The following PRELID2 variants were observed in gnomAD, a reference collection of about 807,000 sequenced individuals.
PRELID2 encodes PRELI domain containing 2, also known as PRELI domain-containing protein 2.
Under a neutral mutation model 28.4 loss-of-function variants are expected in PRELID2, and 25 were observed. The observed-to-expected ratio is 0.88, with a 90% CI of 0.64 to 1.23. The LOEUF is 1.23. Ranked by LOEUF, PRELID2 falls within the 50% of genes most tolerant of loss-of-function variation. The pLI is 0.00. For missense variants in PRELID2, 201 were observed against 214.4 expected, an observed-to-expected ratio of 0.94 and a Z score of 0.39; for synonymous variants, 76 against 71.6, an observed-to-expected ratio of 1.06 and a Z score of -0.31.
chr5:145,709,273 A>G (rs1470421731), intron 1 of PRELID2, among the ~76,000 whole-genome samples: 1 of 152,172 alleles, frequency 6.6e-6, no homozygotes, highest in East Asian at 1.9e-4. Flanking sequence ...TTAGGAAGGG[A>G]CCCATAGCCA....
chr5:145,807,783 A>C (rs1753615692), intron 4 of PRELID2, among the ~76,000 whole-genome samples: 1 of 152,080 alleles, frequency 6.6e-6, no homozygotes, highest in Non-Finnish European at 1.5e-5. Context: ...TTCATTCATC[A>C]TTCATTAGAC....
At chr5:145,804,967 G>A (rs1200867015) in intron 4 of PRELID2, among the ~76,000 whole-genome samples, 2 of 152,164 alleles carry the variant, frequency 1.3e-5, no homozygotes, top group Non-Finnish European at 2.9e-5. Context: ...TAGACCCTGA[G>A]TCTAGATTGT....
At chr5:145,255,048 C>A in the PRELID2 span, among the ~76,000 whole-genome samples, 1 of 152,096 alleles carries the variant, frequency 6.6e-6, no homozygotes, top group African/African-American at 2.4e-5. Context: ...ACACACCCTG[C>A]CACCCCTCAC....
the PRELID2 span, among the ~76,000 whole-genome samples, chr5:145,237,755 T>A: frequency 2.0e-5 from 3 of 152,138 alleles, no homozygotes; most frequent in Non-Finnish European, 2.9e-5. Flanking sequence ...GGACTTTTTC[T>A]ACCACTGATA....
At chr5:145,576,935 A>G (rs911657065) in intron 1 of PRELID2, among the ~76,000 whole-genome samples, 1 of 152,122 alleles carries the variant, frequency 6.6e-6, no homozygotes, top group African/African-American at 2.4e-5. Flanking sequence ...AAAACATGTA[A>G]AATTATATCC....
chr5:145,781,029 C>T (rs569026980), intron 5 of PRELID2, among the ~76,000 whole-genome samples: 1 of 152,332 alleles, frequency 6.6e-6, no homozygotes, highest in South Asian at 2.1e-4. Context: ...AGACACAATG[C>T]TTCCTTTTCT....
chr5:145,603,002 A>C (rs560542788), intron 1 of PRELID2, among the ~76,000 whole-genome samples: 1 of 152,262 alleles, frequency 6.6e-6, no homozygotes, highest in African/African-American at 2.4e-5. Context: ...CAGTAAGCCA[A>C]GACCGCGCCA....
At chr5:145,394,355 T>G in the PRELID2 span, among the ~76,000 whole-genome samples, 1 of 147,996 alleles carries the variant, frequency 6.8e-6, no homozygotes, top group Non-Finnish European at 1.5e-5. Flanking sequence ...ACACTGCATG[T>G]TCTCACTCAT....
chr5:145,336,618 G>T, the PRELID2 span, among the ~76,000 whole-genome samples: 1 of 151,990 alleles, frequency 6.6e-6, no homozygotes, highest in Non-Finnish European at 1.5e-5. Context: ...GCTCTGTTCT[G>T]TTCCATTGAT....
the PRELID2 span, among the ~76,000 whole-genome samples, chr5:145,331,893 T>C: frequency 6.6e-6 from 1 of 152,228 alleles, no homozygotes; most frequent in Non-Finnish European, 1.5e-5. Flanking sequence ...GGCATGTTTT[T>C]GCAGTGGCTG....
At chr5:145,283,126 G>A in the PRELID2 span, among the ~76,000 whole-genome samples, 1 of 152,046 alleles carries the variant, frequency 6.6e-6, no homozygotes, top group African/African-American at 2.4e-5. Context: ...AGCATTAAGG[G>A]GCTGCTAAAC....
chr5:145,314,220 A>G, the PRELID2 span, among the ~76,000 whole-genome samples: 1 of 152,230 alleles, frequency 6.6e-6, no homozygotes, highest in Non-Finnish European at 1.5e-5. Flanking sequence ...AAGCCCAGGT[A>G]TGATTCCTAA....
chr5:145,389,342 C>T, the PRELID2 span, among the ~76,000 whole-genome samples: 17 of 152,000 alleles, frequency 1.1e-4, no homozygotes, highest in Admixed American at 1.3e-4. Context: ...TAACAGCCTT[C>T]ACAAGTCTAG....
chr5:145,558,800 C>T (rs1290748946), intron 1 of PRELID2, among the ~76,000 whole-genome samples: 1 of 152,154 alleles, frequency 6.6e-6, no homozygotes, highest in East Asian at 1.9e-4. Context: ...GAAAAGCATT[C>T]ATCCTCAAAC....
At chr5:145,257,602 T>C in the PRELID2 span, among the ~76,000 whole-genome samples, 1 of 152,058 alleles carries the variant, frequency 6.6e-6, no homozygotes, top group Non-Finnish European at 1.5e-5. Flanking sequence ...TTCATAAGAA[T>C]GTTTAAGAAT....
the PRELID2 span, among the ~76,000 whole-genome samples, chr5:145,403,198 C>T: frequency 6.6e-6 from 1 of 152,076 alleles, no homozygotes; most frequent in Admixed American, 6.6e-5. Context: ...GTCCAATCTC[C>T]TTTTTCTGAT....
intron 4 of PRELID2, among the ~76,000 whole-genome samples, chr5:145,800,886 C>A (rs553792656): frequency 2.6e-4 from 39 of 152,222 alleles, no homozygotes; most frequent in African/African-American, 9.4e-4. Context: ...TAGAATTAAT[C>A]TCCATTTAAG....
chr5:145,399,062 T>G, the PRELID2 span, among the ~76,000 whole-genome samples: 1 of 152,152 alleles, frequency 6.6e-6, no homozygotes, highest in African/African-American at 2.4e-5. Flanking sequence ...AGTGGAGGGC[T>G]AACCCAAGTG....
the PRELID2 span, among the ~76,000 whole-genome samples, chr5:145,246,320 A>G: frequency 6.6e-6 from 1 of 152,112 alleles, no homozygotes; most frequent in Non-Finnish European, 1.5e-5. Flanking sequence ...TTTATCTGAT[A>G]CATTTTTATT....
Sources: allele counts gnomAD v4.1 joint callset (sites outside exome capture counted in the v4.1 genomes callset), GRCh38; gene constraint gnomAD v4.1.1; transcripts MANE v1.5; gene names NCBI Gene and HGNC (gene_info 2026-07-23, HGNC 2026-07-21).